ARIH2: variants seen among roughly 807,000 people sequenced by gnomAD.
ARIH2 encodes ariadne RBR E3 ubiquitin protein ligase 2, also known as E3 ubiquitin-protein ligase ARIH2.
In ARIH2, 12 loss-of-function variants were observed where a neutral mutation model predicts 79.8. The observed-to-expected ratio is 0.15, with a 90% CI of 0.10 to 0.24. The LOEUF (loss-of-function observed/expected upper bound fraction) is 0.24. Among genes scored for constraint, ARIH2 ranks in the 10% least tolerant of loss-of-function variants. The probability of loss-of-function intolerance (pLI) is 1.00; values close to 1 mark genes in which losing one functional copy is unlikely to be tolerated. For missense variants in ARIH2, 301 were observed against 618.3 expected, an observed-to-expected ratio of 0.49 and a Z score of 5.44; for synonymous variants, 224 against 213.9, an observed-to-expected ratio of 1.05 and a Z score of -0.41.
At chr3:48,965,531 C>G (rs1215179135) in intron 5 of ARIH2, among the ~76,000 whole-genome samples, 1 of 152,206 alleles carries the variant, frequency 6.6e-6, no homozygotes, top group Non-Finnish European at 1.5e-5. Context: ...TCTGCACTTT[C>G]AGCCTGCACT....
intron 3 of ARIH2, among the ~76,000 whole-genome samples, chr3:48,957,143 C>T (rs937111211): frequency 6.6e-6 from 1 of 152,226 alleles, no homozygotes; most frequent in Non-Finnish European, 1.5e-5. Context: ...GAACTCAGCT[C>T]TGCTGGGATA....
chr3:48,981,766 C>G (rs1473243695), intron 14 of ARIH2, 38 bp downstream of exon 14: 60 of 1,543,098 alleles, frequency 3.9e-5, no homozygotes, highest in Non-Finnish European at 5.3e-5. Flanking sequence ...TCCCGTTAGC[C>G]TCAAAGGTGC....
At chr3:48,926,635 C>G (rs886883558) in intron 2 of ARIH2, 1 of 152,186 alleles carries the variant, frequency 6.6e-6, no homozygotes, top group Non-Finnish European at 1.5e-5. Context: ...ACTGTAAACT[C>G]TGCCTCCCGG....
At chr3:48,934,521 C>T in intron 3 of ARIH2, 1 of 985,302 alleles carries the variant, frequency 1.0e-6, no homozygotes, top group Non-Finnish European at 1.2e-6. Context: ...GAGCAGCCCT[C>T]TGATTTCTAT....
chr3:48,937,940 C>G (rs923488229), intron 3 of ARIH2, among the ~76,000 whole-genome samples: 2 of 149,176 alleles, frequency 1.3e-5, no homozygotes, highest in Admixed American at 6.8e-5. Flanking sequence ...CCAGCTACTC[C>G]GGAGGCTGAG....
intron 3 of ARIH2, among the ~76,000 whole-genome samples, chr3:48,955,452 G>T (rs2090469171): frequency 6.6e-6 from 1 of 151,980 alleles, no homozygotes; most frequent in South Asian, 2.1e-4. Context: ...CTACCAACAG[G>T]TTGTTAGCTC....
intron 7 of ARIH2, among the ~76,000 whole-genome samples, chr3:48,969,885 G>A (rs2092073996): frequency 6.6e-6 from 1 of 150,574 alleles, no homozygotes. Flanking sequence ...GAGCTCCTCA[G>A]ATATATGTTT....
At chr3:48,954,362 G>A (rs1052165024) in intron 3 of ARIH2, among the ~76,000 whole-genome samples, 23 of 152,046 alleles carry the variant, frequency 1.5e-4, no homozygotes, top group Non-Finnish European at 2.8e-4. Flanking sequence ...GCGTGAACCC[G>A]GGAGGCAGAG....
chr3:48,977,754 G>A (rs904528338), intron 11 of ARIH2, among the ~76,000 whole-genome samples: 1 of 152,150 alleles, frequency 6.6e-6, no homozygotes, highest in Non-Finnish European at 1.5e-5. Context: ...ACCGTGCCCG[G>A]CCTGTATTGT....
At chr3:48,974,167 C>T (rs2107641934) in intron 9 of ARIH2, among the ~76,000 whole-genome samples, 1 of 152,304 alleles carries the variant, frequency 6.6e-6, no homozygotes, top group East Asian at 1.9e-4. Context: ...GGCTGTAATG[C>T]AAGCCCAGAC....
chr3:48,960,904 A>G (rs2107527002), intron 3 of ARIH2, among the ~76,000 whole-genome samples: 1 of 152,278 alleles, frequency 6.6e-6, no homozygotes, highest in South Asian at 2.1e-4. Flanking sequence ...TTACTATTGT[A>G]AGTAATCCTG....
chr3:48,919,136 C>A, intron 1 of ARIH2, 138 bp downstream of exon 1: 1 of 1,303,616 alleles, frequency 7.7e-7, no homozygotes, highest in Non-Finnish European at 9.7e-7. Context: ...GTCGCCGGCA[C>A]GTTGTCCGAG....
In ARIH2 at chr3:48,927,505, G is replaced by T; in HGVS notation, c.-54G>T. 6.3e-7 allele frequency: 1 copy of T among 1,584,388 alleles called. No individual in the cohort carries two copies. Among genetic ancestry groups the T allele is most frequent in the South Asian group, 1.2e-5 (1 of 85,858 alleles). On this transcript the variant is annotated 5_prime_UTR_variant, in exon 3 of 16. Coordinates refer to ENST00000356401, the MANE Select transcript of ARIH2 (RefSeq NM_006321.4). The stretch of plus-strand genomic sequence containing the variant: ...CATTTGAGAAAGCGGTAGTTTTGGG[G>T]GGAGGGGGAAAAAGCAACTGCTTTC...
intron 11 of ARIH2, 123 bp from the exon 12 acceptor site, chr3:48,979,359 C>T (rs908070331): frequency 1.0e-6 from 1 of 997,908 alleles, no homozygotes; most frequent in Admixed American, 2.4e-5. Flanking sequence ...AAAGAGGCAC[C>T]CTTGGGAAGT....
At chr3:48,968,691 G>T (rs1027358141) in intron 7 of ARIH2, 36 bp downstream of exon 7, 1 of 1,591,752 alleles carries the variant, frequency 6.3e-7, no homozygotes, top group South Asian at 1.1e-5. Context: ...CTGTCTTCCC[G>T]GGCCTACCTT....
Position 48,981,719 on chromosome 3 carries a change from G to A in ARIH2, c.1317G>A (p.Arg439=), listed in dbSNP as rs143568355. 1.9e-4 allele frequency: 300 copies of A among 1,613,612 alleles called. No homozygotes were observed. The highest frequency in any genetic ancestry group is 2.4e-4 in the Non-Finnish European group (289 of 1,179,756). Reference sequence around the variant, plus strand: ...CATATTACATGGAGTCCGGACCCAGGAAGAAGCTGGTAAGGCAAAGCAATT... The same window carrying A: ...CATATTACATGGAGTCCGGACCCAGAAAGAAGCTGGTAAGGCAAAGCAATT... The part of the protein sequence containing the change: ...PYAYYMESGP[R]KKLFEYQQAQ... The change falls in exon 14 of 16, where the codon AGG becomes AGA. Residue 439 remains arginine, a synonymous_variant. Coordinates refer to ENST00000356401, the MANE Select transcript of ARIH2 (RefSeq NM_006321.4).
intron 11 of ARIH2, among the ~76,000 whole-genome samples, chr3:48,976,094 T>TA (rs2092480223): frequency 6.7e-6 from 1 of 149,118 alleles, no homozygotes; most frequent in East Asian, 2.0e-4. Context: ...ATATTTTTAG[T>TA]AGAGACGGGG....
intron 3 of ARIH2, among the ~76,000 whole-genome samples, chr3:48,945,665 CTAATT>C (rs2089018860): frequency 6.6e-6 from 1 of 152,084 alleles, no homozygotes; most frequent in South Asian, 2.1e-4. Context: ...GTTCCAATGA[CTAATT>C]TAAACTTCTG....
intron 3 of ARIH2, among the ~76,000 whole-genome samples, chr3:48,960,141 T>C (rs1037299339): frequency 6.6e-6 from 1 of 152,228 alleles, no homozygotes; most frequent in Non-Finnish European, 1.5e-5. Flanking sequence ...TTGCTCTCTC[T>C]GGGAAGCCTG....
Sources: allele counts gnomAD v4.1 joint callset (sites outside exome capture counted in the v4.1 genomes callset), GRCh38; gene constraint gnomAD v4.1.1; transcripts MANE v1.5; gene names NCBI Gene and HGNC (gene_info 2026-07-23, HGNC 2026-07-21).